Variants in SCAI observed in about 807,000 individuals in gnomAD.
SCAI encodes protein SCAI.
SCAI carries 24 observed loss-of-function variants against 92.2 expected under a neutral mutation model. That is an observed-to-expected ratio of 0.26 (90% CI 0.19 to 0.37). The LOEUF is 0.37. Among genes scored for constraint, SCAI ranks in the 10% least tolerant of loss-of-function variants. The pLI is 1.00. For synonymous variants in SCAI, 261 were observed against 258.6 expected (o/e 1.01, Z -0.09); for missense variants, 450 against 736.2 (o/e 0.61, Z 4.50).
chr9:125,066,998 TATG>T (rs1833885743), intron 2 of SCAI, among the ~76,000 whole-genome samples: 1 of 152,216 alleles, frequency 6.6e-6, no homozygotes, highest in South Asian at 2.1e-4. Flanking sequence ...AAGTACACTC[TATG>T]ATATTTGCAC....
At chr9:125,009,264 AT>A (rs1307362779) in intron 9 of SCAI, among the ~76,000 whole-genome samples, 1 of 152,162 alleles carries the variant, frequency 6.6e-6, no homozygotes, top group African/African-American at 2.4e-5. Context: ...ACAGCTTTGG[AT>A]TTTTATTTTA....
chr9:125,081,655 C>G (rs1283711936), intron 2 of SCAI, among the ~76,000 whole-genome samples: 3 of 152,308 alleles, frequency 2.0e-5, no homozygotes, highest in East Asian at 3.9e-4. Flanking sequence ...TCACTGCAAC[C>G]TCTGCCTCCC....
At chr9:124,974,041 A>C in intron 15 of SCAI, 1 of 243,860 alleles carries the variant, frequency 4.1e-6, no homozygotes, top group South Asian at 3.6e-5. Flanking sequence ...GTCCATTTGC[A>C]GGCATCCTCT....
intron 2 of SCAI, among the ~76,000 whole-genome samples, chr9:125,127,940 G>A (rs1389286004): frequency 6.6e-5 from 10 of 151,974 alleles, no homozygotes; most frequent in African/African-American, 2.4e-4. Flanking sequence ...CCCAGGAGGT[G>A]GAAGTCTCAG....
At chr9:124,991,465 A>G (rs1251603732) in intron 14 of SCAI, among the ~76,000 whole-genome samples, 1 of 152,084 alleles carries the variant, frequency 6.6e-6, no homozygotes, top group East Asian at 1.9e-4. Flanking sequence ...CTCATAAAAC[A>G]TCCAGACCTA....
At position 125,002,488 on chromosome 9, in the gene SCAI, G is replaced by GTTTTTTTTTTT. The variant is rs58586769; in HGVS notation, c.1066-456_1066-446dup. Reference sequence around the variant, plus strand: ...ACACTCTGCTTTTGTTTTTTAGTCTGTTTTTTTTTTTGAAACAGAGTTTCA... The same window carrying GTTTTTTTTTTT: ...ACACTCTGCTTTTGTTTTTTAGTCTGTTTTTTTTTTTTTTTTTTTTTTGAAACAGAGTTTCA... On this transcript the variant is annotated intron_variant, in intron 11 of 17. Coordinates refer to ENST00000336505, the MANE Select transcript of SCAI (RefSeq NM_001144877.3). Among the ~76,000 whole-genome samples, 10 of 125,106 alleles carry GTTTTTTTTTTT rather than the reference G, an allele frequency of 8.0e-5. 1 individual carries two copies. The highest frequency in any genetic ancestry group is 2.2e-4 in the East Asian group (1 of 4,462). 82.1% of individuals were successfully genotyped at this position (125,106 alleles called of 152,430 possible). A position where few individuals can be genotyped will look rare whatever the true frequency, so the allele number is the denominator to read the frequency against.
intron 17 of SCAI, among the ~76,000 whole-genome samples, chr9:124,953,794 T>G (rs1055630149): frequency 6.6e-6 from 1 of 152,216 alleles, no homozygotes; most frequent in Non-Finnish European, 1.5e-5. Context: ...GTTGCTACTT[T>G]TCTGTACATT....
chr9:125,054,385 T>C (rs898691319), intron 3 of SCAI, among the ~76,000 whole-genome samples: 5 of 152,222 alleles, frequency 3.3e-5, no homozygotes, highest in Admixed American at 1.3e-4. Context: ...GAGCAGAAGT[T>C]TGCCTTGGGT....
At chr9:125,095,511 T>G (rs1834528100) in intron 2 of SCAI, among the ~76,000 whole-genome samples, 1 of 152,230 alleles carries the variant, frequency 6.6e-6, no homozygotes. Context: ...GTTCTCTCCT[T>G]CTACAGAAAT....
At chr9:125,132,526 G>A (rs1001508209) in intron 2 of SCAI, among the ~76,000 whole-genome samples, 1 of 152,030 alleles carries the variant, frequency 6.6e-6, no homozygotes, top group African/African-American at 2.4e-5. Flanking sequence ...ACCTGAAGCC[G>A]TTATCTTGCT....
chr9:125,075,384 G>A (rs1326595058), intron 2 of SCAI, among the ~76,000 whole-genome samples: 8 of 151,572 alleles, frequency 5.3e-5, no homozygotes, highest in Admixed American at 4.6e-4. Context: ...GTAAAGAAGT[G>A]CAGGCCACAT....
In SCAI at chr9:125,091,394, TG is replaced by T. The variant is rs1184013741; in HGVS notation, c.99-35388del. Among the ~76,000 whole-genome samples the T allele has an allele frequency of 6.6e-6, 1 of 151,996 alleles. No individual in the cohort carries two copies. The highest frequency in any genetic ancestry group is 1.9e-4 in the East Asian group (1 of 5,202). ...GTAATTTTCAACCAAGAACCTTTCC[TG>T]GAACAATGCCGTTTCTTTTTTGCTT... On this transcript the variant is annotated intron_variant, in intron 2 of 17. Coordinates refer to ENST00000336505, the MANE Select transcript of SCAI (RefSeq NM_001144877.3). This position sits in a 1 kb window ranked among gnomAD's most constrained non-coding sequence, Gnocchi z 4.3.
At position 124,952,607 on chromosome 9, in the gene SCAI, AT is replaced by A. The variant is rs1262960393; in HGVS notation, c.*199del. ...AAAAAATAAAAATTCCAAGGTTAAG[AT>A]TTTAAAAGACCTGAAAGGTTGCATT... On this transcript the variant is annotated 3_prime_UTR_variant, in exon 18 of 18. Coordinates refer to ENST00000336505, the MANE Select transcript of SCAI (RefSeq NM_001144877.3). The A allele has an allele frequency of 2.2e-6, 1 of 462,674 alleles. No homozygotes were observed. The highest frequency in any genetic ancestry group is 3.7e-6 in the Non-Finnish European group (1 of 266,950). The allele number at this position is 462,674 out of a possible 1,614,324, so 28.7% of individuals were successfully genotyped here.
At chr9:125,124,133 G>T (rs1257366542) in intron 2 of SCAI, among the ~76,000 whole-genome samples, 1 of 152,146 alleles carries the variant, frequency 6.6e-6, no homozygotes, top group Non-Finnish European at 1.5e-5. Flanking sequence ...AGCCAGTAAT[G>T]CAGAAGTTCT....
At chr9:124,992,525 A>G (rs1268992931) in intron 14 of SCAI, among the ~76,000 whole-genome samples, 1 of 151,986 alleles carries the variant, frequency 6.6e-6, no homozygotes, top group Non-Finnish European at 1.5e-5. Context: ...CTGGGACTAC[A>G]GGTGCACACC....
intron 2 of SCAI, among the ~76,000 whole-genome samples, chr9:125,130,493 A>T (rs1564133324): frequency 6.6e-6 from 1 of 152,100 alleles, no homozygotes; most frequent in Non-Finnish European, 1.5e-5. Flanking sequence ...CTTTTTTAAA[A>T]ATTAAAAATT....
In SCAI at chr9:125,113,819, G is replaced by A. The variant is rs143410595; in HGVS notation, c.98+28814C>T. Among the ~76,000 whole-genome samples the A allele has an allele frequency of 0.019, 2,869 of 152,016 alleles. 159 individuals are homozygous for A. In the East Asian group the frequency reaches 0.22, roughly 12 times the overall value. Reference sequence around the variant, plus strand: ...CTCTACTAAAAATACAAAATTAGCCGGGCGTGGTGGTGCATGCCTGTAATC... The same window carrying A: ...CTCTACTAAAAATACAAAATTAGCCAGGCGTGGTGGTGCATGCCTGTAATC... On this transcript the variant is annotated intron_variant, in intron 2 of 17. Coordinates refer to ENST00000336505, the MANE Select transcript of SCAI (RefSeq NM_001144877.3).
intron 17 of SCAI, among the ~76,000 whole-genome samples, chr9:124,961,720 C>G (rs1232483655): frequency 6.6e-6 from 1 of 151,440 alleles, no homozygotes; most frequent in Non-Finnish European, 1.5e-5. Context: ...TGTCAGAACT[C>G]AAATATAGCT....
At chr9:125,076,869 C>T (rs1019037710) in intron 2 of SCAI, among the ~76,000 whole-genome samples, 1 of 152,052 alleles carries the variant, frequency 6.6e-6, no homozygotes, top group Non-Finnish European at 1.5e-5. Context: ...CTGGCTAATG[C>T]AAATTTTTAG....
Sources: allele counts gnomAD v4.1 joint callset (sites outside exome capture counted in the v4.1 genomes callset), GRCh38; gene constraint gnomAD v4.1.1; non-coding constraint Gnocchi (gnomAD v3.1); transcripts MANE v1.5; gene names NCBI Gene and HGNC (gene_info 2026-07-23, HGNC 2026-07-21).